The following TAFA1 variants were observed in gnomAD, a reference collection of about 807,000 sequenced individuals.
TAFA1 encodes the protein TAFA chemokine like family member 1.
In TAFA1, 4 loss-of-function variants were observed where a neutral mutation model predicts 18.5. The ratio of observed to expected loss-of-function variants is 0.22; its 90% CI spans 0.11 to 0.49. The LOEUF is 0.49. Ranked by LOEUF, TAFA1 falls within the 20% of genes least tolerant of loss-of-function variation. The pLI is 0.98. For synonymous variants in TAFA1, 56 were observed against 55.2 expected, an observed-to-expected ratio of 1.01 and a Z score of -0.06; for missense variants, 147 against 169.0, an observed-to-expected ratio of 0.87 and a Z score of 0.72.
intron 2 of TAFA1, among the ~76,000 whole-genome samples, chr3:68,009,356 G>A (rs755497059): frequency 1.1e-4 from 16 of 152,110 alleles, no homozygotes; most frequent in East Asian, 1.9e-4. Flanking sequence ...TTAAAATACC[G>A]TAGTTTAAAA....
intron 2 of TAFA1, among the ~76,000 whole-genome samples, chr3:68,229,444 G>T (rs1344700832): frequency 6.6e-6 from 1 of 152,184 alleles, no homozygotes; most frequent in Non-Finnish European, 1.5e-5. Flanking sequence ...ACTGGTTTGT[G>T]GTTGAGATGG....
chr3:68,391,300 C>A (rs1481643090), intron 2 of TAFA1, among the ~76,000 whole-genome samples: 1 of 151,780 alleles, frequency 6.6e-6, no homozygotes, highest in East Asian at 1.9e-4. Flanking sequence ...AGCATGAAGA[C>A]AAGATTAGAG....
At chr3:68,218,253 G>A (rs2066684843) in intron 2 of TAFA1, among the ~76,000 whole-genome samples, 1 of 151,950 alleles carries the variant, frequency 6.6e-6, no homozygotes, top group South Asian at 2.1e-4. Context: ...TCTCAACATC[G>A]ACTGGCAAAC....
At chr3:68,302,601 T>C (rs1372644763) in intron 2 of TAFA1, among the ~76,000 whole-genome samples, 2 of 152,122 alleles carry the variant, frequency 1.3e-5, no homozygotes, top group South Asian at 2.1e-4. Flanking sequence ...TCCAAGAGAA[T>C]GGAGTACTTG....
chr3:68,076,879 C>A (rs1221985964), intron 2 of TAFA1, among the ~76,000 whole-genome samples: 1 of 152,194 alleles, frequency 6.6e-6, no homozygotes, highest in Non-Finnish European at 1.5e-5. Context: ...CGAGGAATCG[C>A]CACACTGACT....
intron 2 of TAFA1, among the ~76,000 whole-genome samples, chr3:68,227,294 A>G (rs1439096201): frequency 6.6e-6 from 1 of 152,236 alleles, no homozygotes; most frequent in Non-Finnish European, 1.5e-5. Flanking sequence ...AAAATAAATC[A>G]TATGTCATTA....
In TAFA1 at chr3:68,321,361, G is replaced by C. The variant is rs2068695448; in HGVS notation, c.119-95919G>C. 1.3e-5 allele frequency among the ~76,000 whole-genome samples: 2 copies of C among 152,084 alleles called. 1 individual carries two copies. Among genetic ancestry groups the C allele is most frequent in the South Asian group, 4.1e-4 (2 of 4,824 alleles). On this transcript the variant is annotated intron_variant, in intron 2 of 4. Coordinates refer to ENST00000478136, the MANE Select transcript of TAFA1 (RefSeq NM_213609.4). Reference sequence around the variant, plus strand: ...AATAAGCCTGTGTGCCATAGTAAAGGCTCAATAAATTAGCTGTTAGTATGG... The same window carrying C: ...AATAAGCCTGTGTGCCATAGTAAAGCCTCAATAAATTAGCTGTTAGTATGG...
intron 2 of TAFA1, among the ~76,000 whole-genome samples, chr3:68,090,218 C>A (rs964679649): frequency 6.6e-5 from 10 of 152,160 alleles, no homozygotes; most frequent in African/African-American, 2.2e-4. Flanking sequence ...CAAATCCCTG[C>A]AAGATATGTT....
chr3:68,262,148 A>C (rs2067438461), intron 2 of TAFA1, among the ~76,000 whole-genome samples: 1 of 151,156 alleles, frequency 6.6e-6, no homozygotes, highest in Non-Finnish European at 1.5e-5. Flanking sequence ...AATACCGTCC[A>C]ATTTAGGGAC....
chr3:68,502,308 C>T (rs1342195472), intron 3 of TAFA1, among the ~76,000 whole-genome samples: 2 of 152,018 alleles, frequency 1.3e-5, no homozygotes, highest in African/African-American at 4.8e-5. Flanking sequence ...ATTGCTTACT[C>T]AGAAAATTAA....
intron 1 of TAFA1, among the ~76,000 whole-genome samples, chr3:68,005,586 C>T (rs538760959): frequency 2.1e-4 from 32 of 152,112 alleles, no homozygotes; most frequent in South Asian, 1.5e-3. Context: ...ACGTTTTCAA[C>T]GTATAGTTGA....
At chr3:68,261,262 A>T (rs2067415205) in intron 2 of TAFA1, among the ~76,000 whole-genome samples, 1 of 152,148 alleles carries the variant, frequency 6.6e-6, no homozygotes, top group African/African-American at 2.4e-5. Flanking sequence ...AAGTCAGGAA[A>T]AAACAGGTGC....
intron 2 of TAFA1, among the ~76,000 whole-genome samples, chr3:68,069,870 C>T (rs1013891535): frequency 3.9e-5 from 6 of 152,218 alleles, no homozygotes; most frequent in African/African-American, 7.2e-5. Context: ...TGTCTCACAT[C>T]GAGGTCACAC....
chr3:68,520,341 A>C (rs1011774513), intron 3 of TAFA1, among the ~76,000 whole-genome samples: 1 of 152,206 alleles, frequency 6.6e-6, no homozygotes, highest in African/African-American at 2.4e-5. Context: ...CAATAAATAA[A>C]TATTAGAAGC....
chr3:68,089,581 G>T (rs1189516073), intron 2 of TAFA1, among the ~76,000 whole-genome samples: 2 of 152,202 alleles, frequency 1.3e-5, no homozygotes, highest in East Asian at 3.9e-4. Flanking sequence ...AGGCATGCGG[G>T]TTATTAATTA....
At chr3:68,539,481 A>G (rs764788690) in intron 4 of TAFA1, among the ~76,000 whole-genome samples, 9 of 151,986 alleles carry the variant, frequency 5.9e-5, no homozygotes, top group Non-Finnish European at 1.3e-4. Context: ...CTAGCTAGAT[A>G]TTAACCCTGT....
At chr3:68,237,652 A>G (rs1165574284) in intron 2 of TAFA1, among the ~76,000 whole-genome samples, 2 of 152,180 alleles carry the variant, frequency 1.3e-5, no homozygotes, top group African/African-American at 4.8e-5. Flanking sequence ...GAATTTTTTT[A>G]CCTATACACT....
At chr3:68,082,508 A>G (rs1302866081) in intron 2 of TAFA1, among the ~76,000 whole-genome samples, 2 of 152,198 alleles carry the variant, frequency 1.3e-5, no homozygotes, top group Non-Finnish European at 2.9e-5. Context: ...TGTGACATCA[A>G]ACAAATTATT....
intron 2 of TAFA1, among the ~76,000 whole-genome samples, chr3:68,044,883 G>T (rs1705236411): frequency 6.6e-6 from 1 of 152,224 alleles, no homozygotes; most frequent in South Asian, 2.1e-4. Context: ...CTGACATATA[G>T]AAGTTAATTG....
Sources: allele counts gnomAD v4.1 joint callset (sites outside exome capture counted in the v4.1 genomes callset), GRCh38; gene constraint gnomAD v4.1.1; transcripts MANE v1.5; gene names NCBI Gene and HGNC (gene_info 2026-07-23, HGNC 2026-07-21).